Variants in ALK observed in about 807,000 individuals in gnomAD.
The protein encoded by ALK is ALK receptor tyrosine kinase.
A neutral mutation model predicts 163.1 loss-of-function variants in ALK; 74 were observed. The observed-to-expected ratio is 0.45, with a 90% confidence interval of 0.38 to 0.55. The LOEUF (loss-of-function observed/expected upper bound fraction) is 0.55, where lower values mean the gene tolerates loss of function less well. Ranked by LOEUF, ALK falls within the 20% of genes least tolerant of loss-of-function variation. The pLI is 0.00. For missense variants in ALK, 2,063 were observed against 2,105.3 expected (o/e 0.98, Z 0.39); for synonymous variants, 960 against 843.2 (o/e 1.14, Z -2.40).
chr2:29,530,062 C>T (rs1050804385), intron 4 of ALK, among the ~76,000 whole-genome samples: 1 of 101,892 alleles, frequency 9.8e-6, no homozygotes, highest in Non-Finnish European at 2.1e-5. Context: ...AATAATCGCT[C>T]TTTTTTTTTT....
chr2:29,851,406 C>T (rs7594627), intron 1 of ALK, among the ~76,000 whole-genome samples: 2 of 152,026 alleles, frequency 1.3e-5, no homozygotes, highest in African/African-American at 4.8e-5. Context: ...CTGTCTCTTG[C>T]GCCAAGACCT....
chr2:29,396,413 T>C (rs952593572), intron 4 of ALK, among the ~76,000 whole-genome samples: 4 of 152,140 alleles, frequency 2.6e-5, no homozygotes, highest in African/African-American at 4.8e-5. Context: ...CAGTGGCTCA[T>C]GCCTGTAATC....
intron 11 of ALK, among the ~76,000 whole-genome samples, chr2:29,257,598 A>AATC (rs1316577675): frequency 2.0e-5 from 3 of 152,232 alleles, no homozygotes; most frequent in African/African-American, 7.2e-5. Context: ...CGTCACTATT[A>AATC]ATCACAACAG....
At chr2:29,783,661 G>C (rs1196325901) in intron 1 of ALK, among the ~76,000 whole-genome samples, 1 of 152,196 alleles carries the variant, frequency 6.6e-6, no homozygotes, top group Non-Finnish European at 1.5e-5. Flanking sequence ...TCCCAGGAGA[G>C]GAGTTGGTTT....
chr2:29,900,995 G>GCA lies in ALK; in HGVS notation c.667+18997_667+18998insTG, dbSNP rs1553377658. 9.5e-3 allele frequency among the ~76,000 whole-genome samples: 1,419 copies of GCA among 148,660 alleles called. 18 individuals are homozygous for GCA. Among genetic ancestry groups the GCA allele is most frequent in the African/African-American group, 0.032 (1,277 of 40,298 alleles). On this transcript the variant is annotated intron_variant, in intron 1 of 28. Coordinates refer to ENST00000389048, the MANE Select transcript of ALK (RefSeq NM_004304.5). ...AAAGAAAGAAAGAGAGAGAGAGAGA[G>GCA]AGCAAGCAAGCAAGCAAGCAAGCAA...
chr2:29,800,600 G>A (rs1346225454), intron 1 of ALK, among the ~76,000 whole-genome samples: 2 of 152,134 alleles, frequency 1.3e-5, no homozygotes, highest in Non-Finnish European at 2.9e-5. Flanking sequence ...GGGTACCCAG[G>A]AATTTCCACT....
intron 26 of ALK, among the ~76,000 whole-genome samples, chr2:29,200,721 G>GTATATATGTATA (rs1558608516): frequency 7.1e-6 from 1 of 141,794 alleles, no homozygotes; most frequent in African/African-American, 2.7e-5. Flanking sequence ...ATATACATAC[G>GTATATATGTATA]TATATATGTA....
intron 3 of ALK, among the ~76,000 whole-genome samples, chr2:29,682,607 A>G (rs1245476861): frequency 6.6e-6 from 1 of 152,188 alleles, no homozygotes; most frequent in African/African-American, 2.4e-5. Flanking sequence ...TATTTAATCT[A>G]CATAATGATA....
chr2:29,267,853 A>G (rs988690778), intron 11 of ALK, among the ~76,000 whole-genome samples: 5 of 152,224 alleles, frequency 3.3e-5, no homozygotes, highest in African/African-American at 1.2e-4. Context: ...TGAGAGAAGA[A>G]TGATAAAAAA....
chr2:29,823,103 G>A (rs1196230316), intron 1 of ALK, among the ~76,000 whole-genome samples: 1 of 152,156 alleles, frequency 6.6e-6, no homozygotes, highest in Non-Finnish European at 1.5e-5. Context: ...TAGTGAATAA[G>A]TCTCATGAGA....
chr2:29,722,860 C>G (rs554707013), intron 1 of ALK, among the ~76,000 whole-genome samples: 38 of 152,308 alleles, frequency 2.5e-4, no homozygotes, highest in Non-Finnish European at 4.0e-4. Context: ...TTCCCCATTT[C>G]AGAAAGTGTT....
chr2:29,816,919 T>C (rs72854295), intron 1 of ALK, among the ~76,000 whole-genome samples: 2,508 of 152,294 alleles, frequency 0.016, 68 homozygotes, highest in African/African-American at 0.057. Context: ...GACAGGAATA[T>C]GCAAGAGAGA....
intron 1 of ALK, among the ~76,000 whole-genome samples, chr2:29,894,978 T>C (rs1277097415): frequency 1.3e-5 from 2 of 152,142 alleles, no homozygotes; most frequent in Admixed American, 6.5e-5. Context: ...AGCCCCATGT[T>C]TCCATCAGTG....
chr2:29,445,689 G>A (rs946075436), intron 4 of ALK, among the ~76,000 whole-genome samples: 1 of 152,180 alleles, frequency 6.6e-6, no homozygotes, highest in Non-Finnish European at 1.5e-5. Flanking sequence ...GGGTGTGGTG[G>A]CAGATGCCTG....
intron 4 of ALK, among the ~76,000 whole-genome samples, chr2:29,433,769 G>A (rs1298223228): frequency 6.6e-6 from 1 of 151,960 alleles, no homozygotes; most frequent in Non-Finnish European, 1.5e-5. Context: ...AATTCTGGAA[G>A]GAAAATGGAA....
chr2:29,808,972 T>A (rs905137935), intron 1 of ALK, among the ~76,000 whole-genome samples: 1 of 152,156 alleles, frequency 6.6e-6, no homozygotes, highest in South Asian at 2.1e-4. Flanking sequence ...ATGAAGTAAA[T>A]AATTTAGCCC....
chr2:29,856,746 A>T (rs11127239), intron 1 of ALK, among the ~76,000 whole-genome samples: 119,772 of 152,114 alleles, frequency 0.79, 47,316 homozygotes, highest in Non-Finnish European at 0.82. Flanking sequence ...TGGAGAAGCA[A>T]CATGGGTGAA....
At chr2:29,376,415 T>C (rs569888166) in intron 5 of ALK, among the ~76,000 whole-genome samples, 1 of 152,370 alleles carries the variant, frequency 6.6e-6, no homozygotes, top group South Asian at 2.1e-4. Context: ...AACTCAAAGA[T>C]GCCCTTTAAG....
intron 4 of ALK, among the ~76,000 whole-genome samples, chr2:29,437,880 T>C (rs1002162334): frequency 3.3e-5 from 5 of 152,234 alleles, no homozygotes; most frequent in African/African-American, 4.8e-5. Context: ...CAAAACTAAC[T>C]CAGATTCAAA....
Sources: allele counts gnomAD v4.1 joint callset (sites outside exome capture counted in the v4.1 genomes callset), GRCh38; gene constraint gnomAD v4.1.1; transcripts MANE v1.5; gene names NCBI Gene and HGNC (gene_info 2026-07-23, HGNC 2026-07-21).